Variants in UBA6 observed in about 807,000 individuals in gnomAD.
UBA6 encodes the protein ubiquitin like modifier activating enzyme 6, also known as ubiquitin-like modifier-activating enzyme 6.
A neutral mutation model predicts 148.3 loss-of-function variants in UBA6; 87 were observed. The ratio of observed to expected loss-of-function variants is 0.59; its 90% CI spans 0.49 to 0.70. The LOEUF (loss-of-function observed/expected upper bound fraction) is 0.70. Ranked by LOEUF, UBA6 falls within the 30% of genes least tolerant of loss-of-function variation. UBA6 has a pLI of 0.00. For synonymous variants in UBA6, 376 were observed against 401.0 expected (o/e 0.94, Z 0.75); for missense variants, 1,186 against 1,241.2 (o/e 0.96, Z 0.67).
At chr4:67,630,645 G>C in intron 25 of UBA6, 110 bp from the exon 26 acceptor site, 1 of 644,390 alleles carries the variant, frequency 1.6e-6, no homozygotes, top group Non-Finnish European at 2.4e-6. Flanking sequence ...TATAACCACA[G>C]AATTATTATT....
chr4:67,646,872 T>G lies in UBA6; in HGVS notation c.1249-81A>C, dbSNP rs1560485687. On this transcript the variant is annotated intron_variant, in intron 14 of 32. Coordinates refer to ENST00000322244, the MANE Select transcript of UBA6 (RefSeq NM_018227.6). Reference sequence around the variant, plus strand: ...AAGAAGCTCCTTTATAGTTATTTAATAGTCATGAAGAAAAAAATGATAAAA... The same window carrying G: ...AAGAAGCTCCTTTATAGTTATTTAAGAGTCATGAAGAAAAAAATGATAAAA... 6.8e-6 allele frequency: 5 copies of G among 730,966 alleles called. No individual in the cohort carries two copies. In the South Asian group the frequency reaches 1.3e-4, roughly 19 times the overall value. 45.3% of individuals were successfully genotyped at this position (730,966 alleles called of 1,614,324 possible).
chr4:67,650,557 T>C (rs1729529378), intron 13 of UBA6, among the ~76,000 whole-genome samples: 1 of 152,124 alleles, frequency 6.6e-6, no homozygotes, highest in South Asian at 2.1e-4. Flanking sequence ...AATAAAACAG[T>C]GACAGGGCTT....
rs1728870577 is a variant in UBA6 at position 67,626,462 on chromosome 4, C to T, written c.2416G>A (p.Glu806Lys). The change falls in exon 28 of 33, where the codon GAA (glutamate) becomes AAA (lysine). Residue 806 changes from glutamate to lysine, a missense_variant. Physicochemically the swap from Glu to Lys is moderately conservative, Grantham distance 56 (BLOSUM62 1). Transcript: ENST00000322244. ...KPSNKVVQTDETARKPDHVPI... is the reference protein window; with the variant it reads ...KPSNKVVQTDKTARKPDHVPI... ...ACATGGTCTGGTTTCCTTGCAGTTT[C>T]ATCTGTTTGAACAACCTTTGAATAT... is the stretch of plus-strand genomic sequence containing the variant. 2 of 1,607,882 alleles carry T rather than the reference C, an allele frequency of 1.2e-6. No homozygotes were observed. The highest frequency in any genetic ancestry group is 4.5e-5 in the East Asian group (2 of 44,668).
chr4:67,624,524 T>A (rs1560476746), intron 29 of UBA6, among the ~76,000 whole-genome samples: 1 of 152,112 alleles, frequency 6.6e-6, no homozygotes, highest in Non-Finnish European at 1.5e-5. Flanking sequence ...AAGCACATGC[T>A]GTAACTCAAA....
chr4:67,623,281 C>G, intron 30 of UBA6, 59 bp from the exon 31 acceptor site: 2 of 1,294,654 alleles, frequency 1.5e-6, no homozygotes, highest in Non-Finnish European at 2.2e-6. Context: ...TTAGTGATGA[C>G]ACACACACAA....
At chr4:67,688,767 T>G (rs187698612) in intron 2 of UBA6, among the ~76,000 whole-genome samples, 2 of 152,270 alleles carry the variant, frequency 1.3e-5, no homozygotes, top group East Asian at 3.9e-4. Flanking sequence ...TAAAAACATC[T>G]TAGTTGATAT....
chr4:67,690,765 C>A (rs1004908983), intron 2 of UBA6, among the ~76,000 whole-genome samples: 12 of 148,082 alleles, frequency 8.1e-5, no homozygotes, highest in African/African-American at 3.0e-4. Context: ...TATGGATGAC[C>A]ATTATAAAAC....
In UBA6 at chr4:67,663,465, C is replaced by T. The variant is rs1460107872; in HGVS notation, c.961-250G>A. 7.7e-6 allele frequency: 3 copies of T among 389,310 alleles called. No individual in the cohort carries two copies. In the Admixed American group the frequency reaches 1.2e-4, roughly 16 times the overall value. 24.1% of individuals were successfully genotyped at this position (389,310 alleles called of 1,614,324 possible). A position where few individuals can be genotyped will look rare whatever the true frequency, so the allele number is the denominator to read the frequency against. On this transcript the variant is annotated intron_variant, in intron 11 of 32. Coordinates refer to ENST00000322244, the MANE Select transcript of UBA6 (RefSeq NM_018227.6). ...TTACAAATTTGGAAACTGTTAGTTC[C>T]TTCCTTATCACATTTACTGCTACAA...
intron 1 of UBA6, among the ~76,000 whole-genome samples, chr4:67,699,624 A>T (rs1730924221): frequency 1.3e-5 from 2 of 152,048 alleles, no homozygotes; most frequent in Admixed American, 1.3e-4. Context: ...TTTTTGAGAC[A>T]GGGTCTCTCT....
At position 67,645,931 on chromosome 4, in the gene UBA6, T is replaced by A; in HGVS notation, c.1395+7A>T. The A allele has an allele frequency of 5.2e-6, 8 of 1,547,308 alleles. No individual in the cohort carries two copies. The highest frequency in any genetic ancestry group is 7.1e-6 in the Non-Finnish European group (8 of 1,131,446). On this transcript the variant is annotated splice_region_variant and intron_variant, in intron 16 of 32. Coordinates refer to ENST00000322244, the MANE Select transcript of UBA6 (RefSeq NM_018227.6). ...AACATACTATTCCCATGATTATTGA[T>A]ACTTACTAAGAAGATGTTTAAATTT...
At chr4:67,667,161 G>A (rs78364691) in intron 9 of UBA6, among the ~76,000 whole-genome samples, 384 of 151,814 alleles carry the variant, frequency 2.5e-3, no homozygotes, top group African/African-American at 8.9e-3. Flanking sequence ...CATGGACCCC[G>A]AAATTACAAA....
At chr4:67,653,261 A>G (rs1729599786) in intron 13 of UBA6, among the ~76,000 whole-genome samples, 1 of 152,172 alleles carries the variant, frequency 6.6e-6, no homozygotes, top group African/African-American at 2.4e-5. Flanking sequence ...CTGACTGGGA[A>G]ACACCTCCCA....
At chr4:67,691,913 G>A (rs1031299947) in intron 2 of UBA6, among the ~76,000 whole-genome samples, 1 of 152,138 alleles carries the variant, frequency 6.6e-6, no homozygotes, top group Non-Finnish European at 1.5e-5. Flanking sequence ...ATGGGTGCAG[G>A]ATTGCTGAAA....
intron 17 of UBA6, among the ~76,000 whole-genome samples, chr4:67,642,708 T>A (rs552553808): frequency 4.9e-4 from 74 of 152,232 alleles, no homozygotes; most frequent in African/African-American, 1.7e-3. Context: ...TATTATGCAA[T>A]CTCTTTTTTT....
intron 2 of UBA6, among the ~76,000 whole-genome samples, chr4:67,682,623 A>C (rs553660580): frequency 4.9e-4 from 74 of 152,314 alleles, no homozygotes; most frequent in East Asian, 2.3e-3. Flanking sequence ...ACAACAACAA[A>C]AAAAATTTGG....
chr4:67,685,320 C>T (rs1487821471), intron 2 of UBA6, among the ~76,000 whole-genome samples: 1 of 152,118 alleles, frequency 6.6e-6, no homozygotes, highest in Non-Finnish European at 1.5e-5. Context: ...AAACCATTTT[C>T]TTGCTTAAAA....
chr4:67,694,235 A>G (rs1317458449), intron 2 of UBA6, among the ~76,000 whole-genome samples: 9 of 144,556 alleles, frequency 6.2e-5, no homozygotes, highest in East Asian at 1.9e-4. Flanking sequence ...AAAAAAAAAA[A>G]AAAAAAAAAG....
chr4:67,693,034 A>T (rs191347956), intron 2 of UBA6, among the ~76,000 whole-genome samples: 37 of 152,312 alleles, frequency 2.4e-4, no homozygotes, highest in Admixed American at 1.4e-3. Flanking sequence ...ATTTTTCCAG[A>T]AATGAGAAAG....
intron 11 of UBA6, chr4:67,663,426 T>C (rs1729913119): frequency 2.3e-6 from 1 of 425,764 alleles, no homozygotes; most frequent in Non-Finnish European, 4.2e-6. Flanking sequence ...CTAATCCCCT[T>C]TCCTTATTAA....
Sources: gnomAD v4.1 joint callset for allele counts (sites outside exome capture counted in the v4.1 genomes callset) on GRCh38, gnomAD v4.1.1 for gene constraint, MANE v1.5 for transcripts, NCBI Gene and HGNC (gene_info 2026-07-23, HGNC 2026-07-21) for gene names.